HS3ST5: variants seen among roughly 807,000 people sequenced by gnomAD.
HS3ST5 encodes heparan sulfate glucosamine 3-O-sulfotransferase 5.
In HS3ST5, 10 loss-of-function variants were observed where a neutral mutation model predicts 25.4. That is an observed-to-expected ratio of 0.39 (90% CI 0.24 to 0.67). The LOEUF (loss-of-function observed/expected upper bound fraction) is 0.67, where lower values mean the gene tolerates loss of function less well. Among genes scored for constraint, HS3ST5 ranks in the 30% least tolerant of loss-of-function variants. The pLI is 0.44. For missense variants in HS3ST5, 324 were observed against 420.7 expected (o/e 0.77, Z 2.01); for synonymous variants, 170 against 162.4 (o/e 1.05, Z -0.36).
chr6:114,330,208 G>T (rs1776338495), intron 1 of HS3ST5, among the ~76,000 whole-genome samples: 1 of 152,008 alleles, frequency 6.6e-6, no homozygotes, highest in African/African-American at 2.4e-5. Flanking sequence ...TTAAAAAGTA[G>T]GGTTTATTGA....
chr6:114,265,427 A>G (rs1582771618), intron 1 of HS3ST5, among the ~76,000 whole-genome samples: 1 of 152,268 alleles, frequency 6.6e-6, no homozygotes, highest in South Asian at 2.1e-4. Flanking sequence ...GAGCATACAC[A>G]AACACTTCTT....
chr6:114,084,209 G>C, intron 3 of HS3ST5: 1 of 1,088,572 alleles, frequency 9.2e-7, no homozygotes, highest in Non-Finnish European at 1.4e-6. Flanking sequence ...TCAGTGGCCT[G>C]AGCAATGGGA....
chr6:114,284,690 CA>C (rs986806433), intron 1 of HS3ST5, among the ~76,000 whole-genome samples: 27 of 74,138 alleles, frequency 3.6e-4, no homozygotes, highest in African/African-American at 1.4e-3. Flanking sequence ...AGTAAAATTA[CA>C]ACATGAGTTT....
chr6:114,111,704 A>G (rs893904168), intron 3 of HS3ST5, among the ~76,000 whole-genome samples: 1 of 152,214 alleles, frequency 6.6e-6, no homozygotes, highest in Non-Finnish European at 1.5e-5. Context: ...TAAGCACCCT[A>G]GAACCTTACC....
At chr6:114,266,009 T>C (rs959541784) in intron 1 of HS3ST5, among the ~76,000 whole-genome samples, 4 of 152,180 alleles carry the variant, frequency 2.6e-5, no homozygotes, top group African/African-American at 9.7e-5. Flanking sequence ...ATTGATCTTA[T>C]AGCCAATGGC....
At chr6:114,227,281 G>A (rs186379129) in intron 2 of HS3ST5, among the ~76,000 whole-genome samples, 127 of 151,064 alleles carry the variant, frequency 8.4e-4, no homozygotes, top group Admixed American at 1.2e-3. Context: ...CTTTTGATAC[G>A]TTATGGATAA....
At chr6:114,241,132 G>GTTTTTTTTTTTTTT (rs34220294) in intron 1 of HS3ST5, among the ~76,000 whole-genome samples, 1 of 117,816 alleles carries the variant, frequency 8.5e-6, no homozygotes, top group Non-Finnish European at 1.7e-5. Flanking sequence ...AGAAAAATCA[G>GTTTTTTTTTTTTTT]TTTTTTTTTT....
chr6:114,125,537 C>T (rs893592085), intron 3 of HS3ST5, among the ~76,000 whole-genome samples: 18 of 152,038 alleles, frequency 1.2e-4, no homozygotes, highest in African/African-American at 1.7e-4. Context: ...ACTCTATTTC[C>T]GGCATCATCT....
intron 1 of HS3ST5, among the ~76,000 whole-genome samples, chr6:114,271,248 T>C (rs1262668805): frequency 6.6e-6 from 1 of 152,102 alleles, no homozygotes; most frequent in Non-Finnish European, 1.5e-5. Context: ...CAATTGATCA[T>C]GGAGACCAAA....
intron 3 of HS3ST5, among the ~76,000 whole-genome samples, chr6:114,113,720 G>T (rs1028001713): frequency 1.3e-5 from 2 of 151,784 alleles, no homozygotes; most frequent in Non-Finnish European, 1.5e-5. Context: ...AGAATGCCTG[G>T]CATATAGTGT....
chr6:114,140,820 A>C (rs1777867719), intron 3 of HS3ST5, among the ~76,000 whole-genome samples: 1 of 152,208 alleles, frequency 6.6e-6, no homozygotes, highest in African/African-American at 2.4e-5. Context: ...GGCAAAGGCA[A>C]GATCTTGGAG....
chr6:114,242,349 C>A (rs1396880535), intron 1 of HS3ST5, among the ~76,000 whole-genome samples: 2 of 151,884 alleles, frequency 1.3e-5, no homozygotes, highest in Non-Finnish European at 2.9e-5. Context: ...TTTCATGTGA[C>A]TCATGATGTA....
intron 2 of HS3ST5, among the ~76,000 whole-genome samples, chr6:114,189,729 A>G (rs528941486): frequency 2.3e-4 from 35 of 152,094 alleles, no homozygotes; most frequent in Middle Eastern, 6.8e-3. Flanking sequence ...ATCTCTTCAC[A>G]TAGTCTCTGT....
chr6:114,202,698 A>C (rs1050495638), intron 2 of HS3ST5, among the ~76,000 whole-genome samples: 4 of 152,202 alleles, frequency 2.6e-5, no homozygotes, highest in African/African-American at 9.6e-5. Context: ...AGGGGAAGCC[A>C]GCCTGGAGGA....
intron 3 of HS3ST5, among the ~76,000 whole-genome samples, chr6:114,102,805 G>C (rs1009832963): frequency 1.3e-5 from 2 of 152,168 alleles, no homozygotes; most frequent in Non-Finnish European, 2.9e-5. Context: ...ACGCATTACA[G>C]AAAAATTCTG....
chr6:114,225,792 C>G (rs1771243429), intron 2 of HS3ST5, among the ~76,000 whole-genome samples: 1 of 151,860 alleles, frequency 6.6e-6, no homozygotes, highest in African/African-American at 2.4e-5. Flanking sequence ...TAAACTGTCA[C>G]TTTTATTTTC....
At chr6:114,264,535 T>TAG (rs71028403) in intron 1 of HS3ST5, among the ~76,000 whole-genome samples, 51,430 of 151,976 alleles carry the variant, frequency 0.34, 8,771 homozygotes, top group East Asian at 0.4. Context: ...TGAGGTTGAA[T>TAG]AGATGTTCAT....
rs545149087 is a variant in HS3ST5, at chr6:114,326,434, T to C, written c.-339+15761A>G. Among the ~76,000 whole-genome samples the C allele has an allele frequency of 5.3e-5, 8 of 152,198 alleles. No homozygotes were observed. In the South Asian group the frequency reaches 1.7e-3, roughly 32 times the overall value. On this transcript the variant is annotated intron_variant, in intron 1 of 4. Transcript: ENST00000312719. ...AAACCAGTAGGCCCTCAATAAGTAT[T>C]TGCCTAATGACTGAAACAGGAATGA...
chr6:114,277,562 C>T (rs7453897), intron 1 of HS3ST5, among the ~76,000 whole-genome samples: 50,351 of 151,340 alleles, frequency 0.33, 8,503 homozygotes, highest in East Asian at 0.4. Context: ...TAACTTTTTC[C>T]CCATTCCTTT....
Sources: allele counts gnomAD v4.1 joint callset (sites outside exome capture counted in the v4.1 genomes callset), GRCh38; gene constraint gnomAD v4.1.1; transcripts MANE v1.5; gene names NCBI Gene and HGNC (gene_info 2026-07-23, HGNC 2026-07-21).